TESK2: variants seen among roughly 807,000 people sequenced by gnomAD.
TESK2 encodes the protein testis associated actin remodelling kinase 2, also known as dual specificity testis-specific protein kinase 2.
Under a neutral mutation model 57.1 loss-of-function variants are expected in TESK2, and 39 were observed. The ratio of observed to expected loss-of-function variants is 0.68; its 90% confidence interval spans 0.53 to 0.89. The LOEUF is 0.89. Ranked by LOEUF, TESK2 falls within the 40% of genes least tolerant of loss-of-function variation. The pLI is 0.00. For missense variants in TESK2, 646 were observed against 732.1 expected (o/e 0.88, Z 1.36); for synonymous variants, 249 against 267.9 (o/e 0.93, Z 0.69).
chr1:45,436,841 A>C (rs1651254855), intron 2 of TESK2, among the ~76,000 whole-genome samples: 1 of 143,704 alleles, frequency 7.0e-6, no homozygotes. Context: ...TCTGTCACCC[A>C]GGCTGGAGTG....
At chr1:45,375,642 A>G (rs945273830) in intron 4 of TESK2, among the ~76,000 whole-genome samples, 1 of 152,138 alleles carries the variant, frequency 6.6e-6, no homozygotes, top group African/African-American at 2.4e-5. Flanking sequence ...TCATGCCTGT[A>G]GTCCCAGTGC....
rs9429072 is a variant in TESK2 at position 45,344,419 on chromosome 1, A to G, written c.*421T>C. 60,209 of 176,444 alleles carry G rather than the reference A, an allele frequency of 0.34. 12,297 individuals carry two copies. Among genetic ancestry groups the G allele is most frequent in the African/African-American group, 0.57 (23,707 of 41,852 alleles). The allele number at this position is 176,444 out of a possible 1,614,324, so 10.9% of individuals were successfully genotyped here. A position where few individuals can be genotyped will look rare whatever the true frequency, so the allele number is the denominator to read the frequency against. ...TCAGGTCTGGGAAACAGCCATGACC[A>G]TTACGGCCTCTTGATCAGCTCCATG... On this transcript the variant is annotated 3_prime_UTR_variant, in exon 11 of 11. Coordinates refer to ENST00000372086, the MANE Select transcript of TESK2 (RefSeq NM_007170.3).
In TESK2 at chr1:45,434,260, G is replaced by GT. The variant is rs566261387; in HGVS notation, c.223-12415dup. On this transcript the variant is annotated intron_variant, in intron 2 of 10. Coordinates refer to ENST00000372086, the MANE Select transcript of TESK2 (RefSeq NM_007170.3). ...CGCACCTGCCTCCATCTTCCAAAGTGTTGAGATCACAGGCACTGGCCACCG... is the reference window on the plus strand; with the variant it reads ...CGCACCTGCCTCCATCTTCCAAAGTGTTTGAGATCACAGGCACTGGCCACCG... Among the ~76,000 whole-genome samples the GT allele has an allele frequency of 5.6e-4, 85 of 151,976 alleles. No homozygotes were observed. In the East Asian group the frequency reaches 0.013, roughly 23 times the overall value.
intron 2 of TESK2, among the ~76,000 whole-genome samples, chr1:45,439,447 G>A (rs1469266181): frequency 6.6e-6 from 1 of 152,084 alleles, no homozygotes; most frequent in Non-Finnish European, 1.5e-5. Context: ...CAAAGAAATA[G>A]CTCCATAGAT....
At chr1:45,360,185 C>T (rs909267921) in intron 4 of TESK2, among the ~76,000 whole-genome samples, 2 of 152,126 alleles carry the variant, frequency 1.3e-5, no homozygotes, top group African/African-American at 4.8e-5. Context: ...GTTGAATCTG[C>T]CCAAGATTCA....
chr1:45,486,818 C>CACAT (rs796420228), intron 1 of TESK2, among the ~76,000 whole-genome samples: 5 of 140,272 alleles, frequency 3.6e-5, no homozygotes, highest in African/African-American at 1.4e-4. Flanking sequence ...CACACACACA[C>CACAT]ATATATACAT....
intron 4 of TESK2, among the ~76,000 whole-genome samples, chr1:45,356,983 C>A (rs552789183): frequency 2.6e-5 from 4 of 151,970 alleles, no homozygotes; most frequent in Non-Finnish European, 4.4e-5. Flanking sequence ...CACCTGACAT[C>A]AGGAGTTCAA....
intron 3 of TESK2, among the ~76,000 whole-genome samples, chr1:45,403,925 A>G (rs952622276): frequency 6.6e-6 from 1 of 150,976 alleles, no homozygotes; most frequent in East Asian, 1.9e-4. Flanking sequence ...AGGCAGAACT[A>G]TTAATACATA....
In TESK2 at chr1:45,372,762, G is replaced by C. The variant is rs567978283; in HGVS notation, c.393+13150C>G. Among the ~76,000 whole-genome samples the C allele has an allele frequency of 3.9e-5, 6 of 151,934 alleles. No homozygotes were observed. In the East Asian group the frequency reaches 1.2e-3, roughly 29 times the overall value. ...TAAAAAAAAAAAGAAAAGAAGGCCA[G>C]GCACGGTGGTTCATGCCTGTAATCC... On this transcript the variant is annotated intron_variant, in intron 4 of 10. Coordinates refer to ENST00000372086, the MANE Select transcript of TESK2 (RefSeq NM_007170.3).
intron 5 of TESK2, among the ~76,000 whole-genome samples, chr1:45,353,158 A>G (rs1378350802): frequency 3.9e-5 from 6 of 152,184 alleles, no homozygotes; most frequent in Admixed American, 2.0e-4. Context: ...TCGGCCTCCC[A>G]AAGTGCTGGG....
At chr1:45,400,572 T>C (rs1347950525) in intron 3 of TESK2, among the ~76,000 whole-genome samples, 1 of 152,242 alleles carries the variant, frequency 6.6e-6, no homozygotes, top group Non-Finnish European at 1.5e-5. Context: ...TTTAACTCTT[T>C]GTAAACTAGC....
chr1:45,393,028 G>T (rs1649211323), intron 3 of TESK2, among the ~76,000 whole-genome samples: 2 of 152,190 alleles, frequency 1.3e-5, no homozygotes, highest in Admixed American at 1.3e-4. Flanking sequence ...AGGCAGTAAA[G>T]CCAAGAGGTA....
intron 5 of TESK2, among the ~76,000 whole-genome samples, chr1:45,352,872 G>A (rs937874550): frequency 6.6e-6 from 1 of 151,694 alleles, no homozygotes; most frequent in African/African-American, 2.4e-5. Flanking sequence ...CCATCCATTT[G>A]CCTGGAACAA....
At chr1:45,356,338 A>G (rs1647422578) in intron 4 of TESK2, among the ~76,000 whole-genome samples, 1 of 152,186 alleles carries the variant, frequency 6.6e-6, no homozygotes, top group Non-Finnish European at 1.5e-5. Flanking sequence ...CAATGTTAAA[A>G]GAGAGTGAGT....
At chr1:45,473,718 C>T (rs1652862600) in intron 1 of TESK2, among the ~76,000 whole-genome samples, 1 of 151,744 alleles carries the variant, frequency 6.6e-6, no homozygotes, top group South Asian at 2.1e-4. Context: ...GAAGAATTAA[C>T]AGTTAAAATA....
In TESK2 at chr1:45,425,843, G is replaced by A. The variant is rs12046813; in HGVS notation, c.223-3997C>T. Among the ~76,000 whole-genome samples the A allele has an allele frequency of 2.2e-4, 34 of 152,038 alleles. No individual in the cohort carries two copies. In the East Asian group the frequency reaches 5.2e-3, roughly 23 times the overall value. ...GACCCAGAATCGCCAAAGCCATCCT[G>A]AGGAAAAGAAAAAAAGCTGGGCCGG... is the stretch of plus-strand genomic sequence containing the variant. On this transcript the variant is annotated intron_variant, in intron 2 of 10. Transcript: ENST00000372086.
In TESK2 at chr1:45,416,729, A is replaced by G. The variant is rs763188819; in HGVS notation, c.344+4996T>C. 1.8e-3 allele frequency among the ~76,000 whole-genome samples: 268 copies of G among 148,650 alleles called. 1 individual carries two copies. Among genetic ancestry groups the G allele is most frequent in the Non-Finnish European group, 2.5e-3 (167 of 67,246 alleles). ...TTGTGTCTCTGACCAACTTCCCCCT[A>G]TTTCCTCCCCCATCCCATCCACTCA... On this transcript the variant is annotated intron_variant, in intron 3 of 10. Coordinates refer to ENST00000372086, the MANE Select transcript of TESK2 (RefSeq NM_007170.3).
rs367938582 is a variant in TESK2 at position 45,402,079 on chromosome 1, A to AT, written c.345-16120dup. On this transcript the variant is annotated intron_variant, in intron 3 of 10. Coordinates refer to ENST00000372086, the MANE Select transcript of TESK2 (RefSeq NM_007170.3). ...AAACACTGAAACCCTGCTAATAACC[A>AT]TTAAAAAAAAAGAAAAGAAAAGAAA... Among the ~76,000 whole-genome samples the AT allele has an allele frequency of 2.7e-4, 41 of 149,198 alleles. 1 individual carries two copies. In the Middle Eastern group the frequency reaches 0.028, roughly 103 times the overall value.
intron 1 of TESK2, among the ~76,000 whole-genome samples, chr1:45,474,590 A>G (rs927278749): frequency 6.6e-6 from 1 of 152,046 alleles, no homozygotes; most frequent in Non-Finnish European, 1.5e-5. Context: ...CTCCTGCCTC[A>G]GTCTCCTGAG....
Sources: gnomAD v4.1 joint callset for allele counts (sites outside exome capture counted in the v4.1 genomes callset) on GRCh38, gnomAD v4.1.1 for gene constraint, MANE v1.5 for transcripts, NCBI Gene and HGNC (gene_info 2026-07-23, HGNC 2026-07-21) for gene names.